The following ECE2 variants were observed in gnomAD, a reference collection of about 807,000 sequenced individuals.
The protein encoded by ECE2 is endothelin converting enzyme 2, also known as endothelin-converting enzyme 2.
Under a neutral mutation model 100.6 loss-of-function variants are expected in ECE2, and 81 were observed. That is an observed-to-expected ratio of 0.81 (90% CI 0.67 to 0.97). The LOEUF (loss-of-function observed/expected upper bound fraction) is 0.97. ECE2 is among the 50% of genes least tolerant of loss of function. The pLI, the probability that ECE2 is intolerant of heterozygous loss-of-function variation, is 0.00. For missense variants in ECE2, 911 were observed against 988.1 expected, an observed-to-expected ratio of 0.92 and a Z score of 1.05; for synonymous variants, 391 against 391.5, an observed-to-expected ratio of 1.00 and a Z score of 0.02.
At position 184,289,630 on chromosome 3, in the gene ECE2, GGT is replaced by G; in HGVS notation, c.1474-10_1474-9del. 1 of 1,613,506 alleles carries G rather than the reference GGT, an allele frequency of 6.2e-7. No homozygotes were observed. Among genetic ancestry groups the G allele is most frequent in the Non-Finnish European group, 8.5e-7 (1 of 1,179,602 alleles). ...GGGGAAGGAAACAAACCCTTAACCT[GGT>G]CTCTTCAGGCAGATGCCATCTATGA... On this transcript the variant is annotated splice_polypyrimidine_tract_variant and intron_variant, in intron 12 of 18. Coordinates refer to ENST00000404464, the MANE Select transcript of ECE2 (RefSeq NM_001100121.2). The surrounding 1 kb of genome is among the most constrained non-coding windows in gnomAD (Gnocchi z 4.1).
At position 184,289,462 on chromosome 3, in the gene ECE2, G is replaced by A. The variant is rs1444429131; in HGVS notation, c.1400G>A (p.Arg467Gln). The part of the protein sequence containing the change: ...EIAEGMISEI[R>Q]TAFEEALGQL... ...GCAGAGGGGATGATCAGCGAAATCC[G>A]GACCGCATTTGAGGAGGCCCTGGGA... is the stretch of plus-strand genomic sequence containing the variant. The change falls in exon 12 of 19, where the codon CGG becomes CAG. Residue 467 changes from arginine to glutamine, a missense_variant. Coordinates refer to ENST00000404464, the MANE Select transcript of ECE2 (RefSeq NM_001100121.2). The surrounding 1 kb of genome is among the most constrained non-coding windows in gnomAD (Gnocchi z 4.1). The A allele has an allele frequency of 6.8e-6, 11 of 1,610,044 alleles. No homozygotes were observed. Among genetic ancestry groups the A allele is most frequent in the Middle Eastern group, 3.5e-4 (2 of 5,644 alleles).
At chr3:184,285,419 T>C (rs1052860004) in intron 9 of ECE2, 59 bp from the exon 10 acceptor site, 1 of 1,316,592 alleles carries the variant, frequency 7.6e-7, no homozygotes, top group Non-Finnish European at 1.1e-6. Context: ...GGGGGCTGGT[T>C]TGAGGGGTGT....
rs1377347982 is a variant in ECE2 at position 184,277,912 on chromosome 3, T to C, written c.479-13T>C. 2 of 1,610,730 alleles carry C rather than the reference T, an allele frequency of 1.2e-6. No homozygotes were observed. Among genetic ancestry groups the C allele is most frequent in the Non-Finnish European group, 1.7e-6 (2 of 1,179,848 alleles). On this transcript the variant is annotated splice_polypyrimidine_tract_variant and intron_variant, in intron 4 of 18. Coordinates refer to ENST00000404464, the MANE Select transcript of ECE2 (RefSeq NM_001100121.2). ...ACGTAATTGCCACCTGGATCCTGTG[T>C]TCTGCCCCACAGAAAACACCACCTT...
chr3:184,285,171 A>G, intron 9 of ECE2, 66 bp downstream of exon 9: 5 of 1,568,774 alleles, frequency 3.2e-6, no homozygotes, highest in Non-Finnish European at 4.3e-6. Context: ...GGCATAATGG[A>G]CAGGCCCAGC....
At chr3:184,286,101 G>A (rs1721025628) in intron 10 of ECE2, among the ~76,000 whole-genome samples, 1 of 152,186 alleles carries the variant, frequency 6.6e-6, no homozygotes, top group African/African-American at 2.4e-5. Context: ...TGGGGGGATG[G>A]TGGGGAAGGG....
chr3:184,286,568 C>T (rs1431054505), intron 10 of ECE2, among the ~76,000 whole-genome samples: 1 of 151,812 alleles, frequency 6.6e-6, no homozygotes, highest in Admixed American at 6.6e-5. Flanking sequence ...TTTGGGAAGC[C>T]AAGGCAGGTG....
intron 8 of ECE2, among the ~76,000 whole-genome samples, chr3:184,284,288 A>G (rs991524936): frequency 1.3e-5 from 2 of 152,102 alleles, no homozygotes; most frequent in African/African-American, 4.8e-5. Flanking sequence ...GACATCTGTA[A>G]TCCCAGCACT....
rs757998836 is a variant in ECE2 at position 184,291,029 on chromosome 3, G to A, written c.1835-11G>A. 8 of 1,557,890 alleles carry A rather than the reference G, an allele frequency of 5.1e-6. No homozygotes were observed. The Admixed American group carries it at 9.5e-5, about 19-fold the overall frequency. ...TGGTTTTGGTGGGGTGCAAAGGTGAGTTCTCCTCAGGGCGCGAGTATGACA... is the reference window on the plus strand; with the variant it reads ...TGGTTTTGGTGGGGTGCAAAGGTGAATTCTCCTCAGGGCGCGAGTATGACA... On this transcript the variant is annotated splice_polypyrimidine_tract_variant and intron_variant, in intron 16 of 18. Coordinates refer to ENST00000404464, the MANE Select transcript of ECE2 (RefSeq NM_001100121.2). This position sits in a 1 kb window ranked among gnomAD's most constrained non-coding sequence, Gnocchi z 4.1.
chr3:184,289,516 G>T lies in ECE2; in HGVS notation c.1454G>T (p.Arg485Leu). The T allele has an allele frequency of 1.9e-6, 3 of 1,612,580 alleles. No homozygotes were observed. Among genetic ancestry groups the T allele is most frequent in the Non-Finnish European group, 2.5e-6 (3 of 1,179,328 alleles). Residue 485 changes from arginine to leucine, a missense_variant, in exon 12 of 19, where the codon CGC becomes CTC. Coordinates refer to ENST00000404464, the MANE Select transcript of ECE2 (RefSeq NM_001100121.2). This position sits in a 1 kb window ranked among gnomAD's most constrained non-coding sequence, Gnocchi z 4.1. ...GQLVWMDEKT[R>L]QAAKEKADAI... ...CTGGTTTGGATGGATGAGAAGACCCGCCAGGCAGCCAAGGAGAAAGTGAGC... is the reference window on the plus strand; with the variant it reads ...CTGGTTTGGATGGATGAGAAGACCCTCCAGGCAGCCAAGGAGAAAGTGAGC...
chr3:184,278,362 G>C, intron 6 of ECE2, 49 bp downstream of exon 6: 1 of 1,600,612 alleles, frequency 6.2e-7, no homozygotes, highest in South Asian at 1.1e-5. Flanking sequence ...ACTTTGCTGA[G>C]CCCAGACTTC....
intron 8 of ECE2, among the ~76,000 whole-genome samples, chr3:184,284,384 A>T (rs772806552): frequency 8.6e-5 from 13 of 152,032 alleles, no homozygotes; most frequent in Non-Finnish European, 1.8e-4. Flanking sequence ...CTCTACTAAA[A>T]ATAAAAAATT....
intron 10 of ECE2, among the ~76,000 whole-genome samples, chr3:184,285,919 T>G (rs1471292956): frequency 1.3e-5 from 2 of 152,092 alleles, no homozygotes. Flanking sequence ...TCGGCTTTGA[T>G]GAGGAGGATG....
intron 3 of ECE2, 74 bp from the exon 4 acceptor site, chr3:184,277,177 C>A: frequency 6.2e-7 from 1 of 1,603,984 alleles, no homozygotes; most frequent in Non-Finnish European, 8.5e-7. Context: ...GCTGTCATGG[C>A]CCTTGCAGAG....
chr3:184,276,472 G>A lies in ECE2; in HGVS notation c.40-9G>A, dbSNP rs372950223. ...CTGACCTCGGTTGGCAACCCCGACTGTCTGGCAGATGGTGGAGTACAAACG... is the reference window on the plus strand; with the variant it reads ...CTGACCTCGGTTGGCAACCCCGACTATCTGGCAGATGGTGGAGTACAAACG... On this transcript the variant is annotated splice_polypyrimidine_tract_variant and intron_variant, in intron 1 of 18. Transcript: ENST00000404464. 1,128 of 1,606,350 alleles carry A rather than the reference G, an allele frequency of 7.0e-4. 3 individuals are homozygous for A. The highest frequency in any genetic ancestry group is 8.8e-4 in the Non-Finnish European group (1,038 of 1,178,112).
At chr3:184,287,201 G>T (rs1266717802) in intron 10 of ECE2, among the ~76,000 whole-genome samples, 1 of 151,740 alleles carries the variant, frequency 6.6e-6, no homozygotes, top group Non-Finnish European at 1.5e-5. Flanking sequence ...GCGTGAACCC[G>T]GGAGGTGGAG....
At position 184,288,036 on chromosome 3, in the gene ECE2, C is replaced by A. The variant is rs937943771; in HGVS notation, c.1374+89C>A. 15 of 1,243,422 alleles carry A rather than the reference C, an allele frequency of 1.2e-5. 1 individual carries two copies. The highest frequency in any genetic ancestry group is 1.2e-4 in the African/African-American group (8 of 67,286). 77.0% of individuals were successfully genotyped at this position (1,243,422 alleles called of 1,614,324 possible). On this transcript the variant is annotated intron_variant, in intron 11 of 18. Transcript: ENST00000404464. ...ATATAGAAAAACAACGGGAGCCAGG[C>A]GCGGTGGCTCACGCCGGTAATCCCA...
intron 9 of ECE2, 145 bp from the exon 10 acceptor site, chr3:184,285,333 G>GGCCCCGGGACCAAAGAGGA: frequency 1.1e-6 from 1 of 883,520 alleles, no homozygotes; most frequent in Non-Finnish European, 1.7e-6. Context: ...GCAGGTGTGT[G>GGCCCCGGGACCAAAGAGGA]GCCCCGGGAC....
chr3:184,287,520 C>T (rs995434758), intron 10 of ECE2, among the ~76,000 whole-genome samples: 2 of 152,080 alleles, frequency 1.3e-5, no homozygotes, highest in African/African-American at 4.8e-5. Context: ...GGTGAGACCC[C>T]TTCTGTACTA....
rs753033082 is a variant in ECE2 at position 184,292,229 on chromosome 3, G to A, written c.2289G>A (p.Glu763=). 10 of 1,614,050 alleles carry A rather than the reference G, an allele frequency of 6.2e-6. No individual in the cohort carries two copies. Among genetic ancestry groups the A allele is most frequent in the Non-Finnish European group, 8.5e-6 (10 of 1,179,970 alleles). ...CCATGAACCCAGGGCAGCTGTGTGA[G>A]GTGTGGTAGACCTGGATCAGGGGAG... ...GSPMNPGQLC[E]VW The change falls in exon 19 of 19, where the codon GAG becomes GAA. Residue 763 remains glutamate, a synonymous_variant. Transcript: ENST00000404464.
Sources: gnomAD v4.1 joint callset for allele counts (sites outside exome capture counted in the v4.1 genomes callset) on GRCh38, gnomAD v4.1.1 for gene constraint, Gnocchi (gnomAD v3.1) non-coding constraint, MANE v1.5 for transcripts, NCBI Gene and HGNC (gene_info 2026-07-23, HGNC 2026-07-21) for gene names.